ADCY7: variants seen among roughly 807,000 people sequenced by gnomAD.
ADCY7 encodes the protein adenylate cyclase 7, also known as adenylate cyclase type 7.
ADCY7 carries 72 observed loss-of-function variants against 120.6 expected under a neutral mutation model. The observed-to-expected ratio is 0.60, with a 90% CI of 0.49 to 0.73. The LOEUF (loss-of-function observed/expected upper bound fraction) is 0.73, where lower values mean the gene tolerates loss of function less well. Among genes scored for constraint, ADCY7 ranks in the 30% least tolerant of loss-of-function variants. ADCY7 has a pLI of 0.00. For synonymous variants in ADCY7, 661 were observed against 628.0 expected (o/e 1.05, Z -0.78); for missense variants, 1,227 against 1,486.0 (o/e 0.83, Z 2.87).
chr16:50,312,332 G>A, intron 21 of ADCY7, 141 bp downstream of exon 21: 1 of 927,138 alleles, frequency 1.1e-6, no homozygotes, highest in East Asian at 2.5e-5. Flanking sequence ...AGGCGACAAT[G>A]TATGGCATCA....
chr16:50,264,680 T>C (rs1252770481), upstream of ADCY7, among the ~76,000 whole-genome samples: 1 of 152,210 alleles, frequency 6.6e-6, no homozygotes, highest in African/African-American at 2.4e-5. Context: ...AATCTCTATA[T>C]GGTTTTAATT....
intron 1 of ADCY7, among the ~76,000 whole-genome samples, chr16:50,251,219 G>A (rs1358981736): frequency 6.6e-6 from 1 of 151,550 alleles, no homozygotes; most frequent in Non-Finnish European, 1.5e-5. Context: ...TAGTTTGGGT[G>A]ATAGAGCGAG....
At chr16:50,305,197 C>T (rs1258283332) in intron 12 of ADCY7, among the ~76,000 whole-genome samples, 1 of 152,186 alleles carries the variant, frequency 6.6e-6, no homozygotes, top group Non-Finnish European at 1.5e-5. Context: ...TCAGTGGAGT[C>T]GGTGGAAGGG....
intron 1 of ADCY7, among the ~76,000 whole-genome samples, chr16:50,272,805 C>G (rs1352397465): frequency 6.6e-6 from 1 of 152,130 alleles, no homozygotes; most frequent in Non-Finnish European, 1.5e-5. Flanking sequence ...TCCTGGGCCC[C>G]CAGGCCTGTC....
chr16:50,302,602 T>C (rs2035804809), intron 10 of ADCY7, among the ~76,000 whole-genome samples: 1 of 147,422 alleles, frequency 6.8e-6, no homozygotes, highest in Non-Finnish European at 1.5e-5. Context: ...TAACTTCATT[T>C]ATCCACGCAG....
At chr16:50,258,987 A>T (rs4785396) in intron 1 of ADCY7, among the ~76,000 whole-genome samples, 1 of 152,180 alleles carries the variant, frequency 6.6e-6, no homozygotes, top group African/African-American at 2.4e-5. Flanking sequence ...AAAACTACCC[A>T]TCTCAGGGCA....
chr16:50,292,623 C>G (rs750560507), intron 4 of ADCY7, 53 bp from the exon 5 acceptor site: 121 of 1,594,822 alleles, frequency 7.6e-5, no homozygotes, highest in Non-Finnish European at 1.0e-4. Context: ...TCTGGTGCCT[C>G]GGGAGGGCAT....
chr16:50,274,618 CTT>C (rs1387623562), intron 1 of ADCY7, among the ~76,000 whole-genome samples: 1 of 152,116 alleles, frequency 6.6e-6, no homozygotes, highest in South Asian at 2.1e-4. Context: ...GGGCTGGGCA[CTT>C]TGCGAGCTGG....
At chr16:50,270,882 C>T (rs917401068) in intron 1 of ADCY7, among the ~76,000 whole-genome samples, 2 of 152,200 alleles carry the variant, frequency 1.3e-5, no homozygotes, top group Non-Finnish European at 2.9e-5. Flanking sequence ...GGAGCCCCTC[C>T]AGCTGTGTGT....
intron 10 of ADCY7, among the ~76,000 whole-genome samples, chr16:50,303,287 G>A (rs2035853457): frequency 6.6e-6 from 1 of 152,188 alleles, no homozygotes; most frequent in South Asian, 2.1e-4. Flanking sequence ...TGGCTCCCGT[G>A]GCTAGGCAGA....
chr16:50,307,094 C>A lies in ADCY7; in HGVS notation c.1797C>A (p.Cys599Ter). The change falls in exon 15 of 26, where the codon TGC becomes TGA. Residue 599 changes from cysteine to a stop codon, truncating the protein, a stop_gained. Transcript: ENST00000673801. LOFTEE classifies it high-confidence loss of function. ...PIPRARHDFA[C>*]ASLIFVCILL... ...CCCGGGCCCGCCACGACTTTGCCTG[C>A]GCCAGCCTGATCTTCGTCTGCATCC... 6.2e-7 allele frequency: 1 copy of A among 1,611,756 alleles called. No individual in the cohort carries two copies. Among genetic ancestry groups the A allele is most frequent in the Middle Eastern group, 1.6e-4 (1 of 6,062 alleles).
chr16:50,271,600 C>A (rs72782125), intron 1 of ADCY7, among the ~76,000 whole-genome samples: 4,180 of 152,290 alleles, frequency 0.027, 68 homozygotes, highest in Non-Finnish European at 0.042. Flanking sequence ...CCCTCCCAGA[C>A]CGGGCCTGAC....
rs552474842 is a variant in ADCY7, at chr16:50,299,660, T to C, written c.1076+629T>C. Among the ~76,000 whole-genome samples the C allele has an allele frequency of 3.9e-4, 59 of 152,336 alleles. 1 individual carries two copies. The South Asian group carries it at 0.012, about 30-fold the overall frequency. On this transcript the variant is annotated intron_variant, in intron 8 of 25. Coordinates refer to ENST00000673801, the MANE Select transcript of ADCY7 (RefSeq NM_001114.5). ...CTGTCCTTCTCCTGAAGTCCTGCCA[T>C]AGGTGGCTGGTGTTGCCAGAAAGAA...
chr16:50,311,748 G>A lies in ADCY7; in HGVS notation c.2410G>A (p.Val804Ile). 1 of 1,608,534 alleles carries A rather than the reference G, an allele frequency of 6.2e-7. No individual in the cohort carries two copies. Among genetic ancestry groups the A allele is most frequent in the Non-Finnish European group, 8.5e-7 (1 of 1,178,638 alleles). The change falls in exon 20 of 26, where the codon GTC becomes ATC. Residue 804 changes from valine (V) to isoleucine (I), a missense_variant. Transcript: ENST00000673801. ...DLKTMTNFYL[V>I]LFYITLLTLS... is the part of the protein sequence containing the mutation. ...GAAGACCATGACCAATTTCTACCTG[G>A]TCCTGTTCTACATCACCCTGCTTAC... is the stretch of plus-strand genomic sequence containing the variant.
rs1032731748 is a variant in ADCY7 at position 50,299,051 on chromosome 16, A to C, written c.1076+20A>C. ...CATCAAGTAGGTCCTGGGCGGGCCC[A>C]GGCCCTGGGTCCTGCCCTGTGGCGG... On this transcript the variant is annotated intron_variant, in intron 8 of 25. Transcript: ENST00000673801. 2.5e-6 allele frequency: 4 copies of C among 1,600,332 alleles called. No individual in the cohort carries two copies. The Admixed American group carries it at 6.7e-5, about 27-fold the overall frequency.
rs199775238 is a variant in ADCY7, at chr16:50,290,593, G to A, written c.308G>A (p.Cys103Tyr). The A allele has an allele frequency of 4.3e-5, 69 of 1,614,054 alleles. No homozygotes were observed. Among genetic ancestry groups the A allele is most frequent in the Middle Eastern group, 1.6e-4 (1 of 6,082 alleles). ...GCCTTGGCGCTGCTCACCTGGGCCT[G>A]CTTGGTGGCGCTGGGCTATGTGCTG... ...LRALALLTWA[C>Y]LVALGYVLVF... The change falls in exon 3 of 26, where the codon TGC becomes TAC. Residue 103 changes from cysteine to tyrosine, a missense_variant. Coordinates refer to ENST00000673801, the MANE Select transcript of ADCY7 (RefSeq NM_001114.5).
rs2035459924 is a variant in ADCY7, at chr16:50,297,879, A to G, written c.949-1025A>G. Among the ~76,000 whole-genome samples, 1 of 152,066 alleles carries G rather than the reference A, an allele frequency of 6.6e-6. No individual in the cohort carries two copies. Among genetic ancestry groups the G allele is most frequent in the African/African-American group, 2.4e-5 (1 of 41,406 alleles). ...TCCGAGGGTCAGCTGAGTGGGGTAGAGGGTGGGGAGGGGAGAGCAGAGGCA... is the reference window on the plus strand; with the variant it reads ...TCCGAGGGTCAGCTGAGTGGGGTAGGGGGTGGGGAGGGGAGAGCAGAGGCA... On this transcript the variant is annotated intron_variant, in intron 7 of 25. Transcript: ENST00000673801. This position sits in a 1 kb window ranked among gnomAD's most constrained non-coding sequence, Gnocchi z 4.4.
At chr16:50,252,928 C>G (rs371982961) in intron 1 of ADCY7, among the ~76,000 whole-genome samples, 1 of 152,076 alleles carries the variant, frequency 6.6e-6, no homozygotes, top group East Asian at 1.9e-4. Context: ...TTCTTCCAGA[C>G]TTCTTTTCTT....
At chr16:50,313,929 C>A (rs1284274584) in intron 22 of ADCY7, 29 bp from the exon 23 acceptor site, 2 of 1,588,452 alleles carry the variant, frequency 1.3e-6, no homozygotes, top group African/African-American at 2.7e-5. Context: ...GGAGTGGCGG[C>A]TGCTTCACCG....
Sources: gnomAD v4.1 joint callset for allele counts (sites outside exome capture counted in the v4.1 genomes callset) on GRCh38, gnomAD v4.1.1 for gene constraint, Gnocchi (gnomAD v3.1) non-coding constraint, MANE v1.5 for transcripts, NCBI Gene and HGNC (gene_info 2026-07-23, HGNC 2026-07-21) for gene names.